Variants in MAP10 observed in about 807,000 individuals in gnomAD.
MAP10 encodes the protein microtubule associated protein 10.
In MAP10, 10 loss-of-function variants were observed where a neutral mutation model predicts 6.3. That is an observed-to-expected ratio of 1.58 (90% confidence interval 0.98 to 2.69). MAP10 has a LOEUF of 2.69. Ranked by LOEUF, MAP10 falls within the 30% of genes most tolerant of loss-of-function variation. The pLI, the probability that MAP10 is intolerant of heterozygous loss-of-function variation, is 0.00. For missense variants in MAP10, 1,189 were observed against 1,086.5 expected (o/e 1.09, Z -1.33); for synonymous variants, 459 against 429.3 (o/e 1.07, Z -0.86).
In MAP10 at chr1:232,805,983, C is replaced by T. The variant is rs1196780554; in HGVS notation, c.534C>T (p.Ala178=). The T allele has an allele frequency of 6.2e-7, 1 of 1,613,642 alleles. No individual in the cohort carries two copies. The highest frequency in any genetic ancestry group is 1.7e-5 in the Admixed American group (1 of 59,998). The change falls in exon 1 of 1, where the codon GCC becomes GCT. Residue 178 remains alanine, a synonymous_variant. Transcript: ENST00000418460. ...AGCGGACTGGGGACATTGCACTGGC[C>T]TACCGCCTGACTGACCTGGGAAGCC... ...VGERTGDIAL[A]YRLTDLGSRL...
In MAP10 at chr1:232,805,683, C is replaced by T; in HGVS notation, c.234C>T (p.Pro78=). The T allele has an allele frequency of 6.2e-6, 10 of 1,602,714 alleles. No individual in the cohort carries two copies. The highest frequency in any genetic ancestry group is 8.5e-6 in the Non-Finnish European group (10 of 1,178,404). The stretch of plus-strand genomic sequence containing the variant: ...ACCCTCCTGACGGCCCCGGCGCTCC[C>T]GCCGCCGAACCGTGGCCCGGTGTCA... ...LVYPPDGPGA[P]AAEPWPGVIR... The change falls in exon 1 of 1, where the codon CCC becomes CCT. Residue 78 remains proline, a synonymous_variant. Coordinates refer to ENST00000418460, the MANE Select transcript of MAP10 (RefSeq NM_019090.3).
chr1:232,806,077 C>T, the MAP10 span: 9 of 1,613,986 alleles, frequency 5.6e-6, no homozygotes, highest in Non-Finnish European at 7.6e-6. Flanking sequence ...GGTCAGTCCC[C>T]AAACCCAGCA....
chr1:232,806,799 T>A lies in MAP10; in HGVS notation c.1350T>A (p.Asp450Glu), dbSNP rs371716712. ...CATGCCGGTCTGAAGCCAAGAAGGATAAGCGTTCTGTGGGGGGATGTGAAA... is the reference window on the plus strand; with the variant it reads ...CATGCCGGTCTGAAGCCAAGAAGGAAAAGCGTTCTGTGGGGGGATGTGAAA... The part of the protein sequence containing the change: ...KSTCRSEAKK[D>E]KRSVGGCEKS... Residue 450 changes from aspartate (D) to glutamate (E), a missense_variant, in exon 1 of 1, where the codon GAT becomes GAA. Transcript: ENST00000418460. The A allele has an allele frequency of 1.8e-5, 29 of 1,613,634 alleles. 1 individual carries two copies. Among genetic ancestry groups the A allele is most frequent in the Middle Eastern group, 1.7e-4 (1 of 6,058 alleles).
chr1:232,807,180 A>T lies in MAP10; in HGVS notation c.1731A>T (p.Arg577Ser), dbSNP rs377345427. ...TCACTGAAAATAGTGATACCTCAAG[A>T]CAAATCAGTGGAGTTTTTGATGAGC... ...ASFTENSDTS[R>S]QISGVFDEPS... Residue 577 changes from arginine (R) to serine (S), a missense_variant, in exon 1 of 1, where the codon AGA (arginine) becomes AGT (serine). Arg to Ser is a moderately radical substitution (Grantham distance 110). Coordinates refer to ENST00000418460, the MANE Select transcript of MAP10 (RefSeq NM_019090.3). 277 of 1,613,462 alleles carry T rather than the reference A, an allele frequency of 1.7e-4. No homozygotes were observed. In the African/African-American group the frequency reaches 3.3e-3, roughly 19 times the overall value.
chr1:232,806,003 G>A lies in MAP10; in HGVS notation c.554G>A (p.Gly185Glu). 6.2e-7 allele frequency: 1 copy of A among 1,613,810 alleles called. No homozygotes were observed. Among genetic ancestry groups the A allele is most frequent in the Non-Finnish European group, 8.5e-7 (1 of 1,179,856 alleles). Residue 185 changes from glycine (G) to glutamate (E), a missense_variant, in exon 1 of 1, where the codon GGA becomes GAA. By Grantham distance (98) the Gly-to-Glu change is moderately conservative (BLOSUM62 -2). Transcript: ENST00000418460. The stretch of plus-strand genomic sequence containing the variant: ...CTGGCCTACCGCCTGACTGACCTGG[G>A]AAGCCGCCTGCTGAGCCAACTTGAG... ...IALAYRLTDL[G>E]SRLLSQLERP...
At position 232,807,346 on chromosome 1, in the gene MAP10, A is replaced by G. The variant is rs1295611718; in HGVS notation, c.1897A>G (p.Thr633Ala). The G allele has an allele frequency of 2.5e-6, 4 of 1,613,822 alleles. No homozygotes were observed. Among genetic ancestry groups the G allele is most frequent in the East Asian group, 4.5e-5 (2 of 44,886 alleles). Residue 633 changes from threonine to alanine, a missense_variant, in exon 1 of 1, where the codon ACA (threonine) becomes GCA (alanine). Coordinates refer to ENST00000418460, the MANE Select transcript of MAP10 (RefSeq NM_019090.3). ...CATTATTCCAGAAAGGCTTACCCCT[A>G]CAAATATTCTGGGAGGAAATGTGGA... is the stretch of plus-strand genomic sequence containing the variant. ...NSIIPERLTPTNILGGNVEMK... is the reference protein window; with the variant it reads ...NSIIPERLTPANILGGNVEMK...
rs1295903363 is a variant in MAP10, at chr1:232,809,689, AAAT to A, written c.*1528_*1530del. ...CATTTTGAATATTTTAAATTATTGAAAATAATAAGCAGAGAAATTATATCAGTT... is the reference window on the plus strand; with the variant it reads ...CATTTTGAATATTTTAAATTATTGAAAATAAGCAGAGAAATTATATCAGTT... On this transcript the variant is annotated 3_prime_UTR_variant, in exon 1 of 1. Coordinates refer to ENST00000418460, the MANE Select transcript of MAP10 (RefSeq NM_019090.3). Among the ~76,000 whole-genome samples the A allele has an allele frequency of 4.6e-5, 7 of 152,188 alleles. No individual in the cohort carries two copies. The highest frequency in any genetic ancestry group is 2.6e-4 in the Admixed American group (4 of 15,270).
rs777722525 is a variant in MAP10, at chr1:232,806,356, C to T, written c.907C>T (p.Pro303Ser). 2 of 1,613,808 alleles carry T rather than the reference C, an allele frequency of 1.2e-6. No homozygotes were observed. Among genetic ancestry groups the T allele is most frequent in the East Asian group, 4.5e-5 (2 of 44,890 alleles). The change falls in exon 1 of 1, where the codon CCT (proline) becomes TCT (serine). Residue 303 changes from proline to serine, a missense_variant. Physicochemically the swap from Pro to Ser is moderately conservative, Grantham distance 74. Transcript: ENST00000418460. ...GGAGACCAATATATTTTGCCCTCCTCCTTTGTATTACACTAACTTGACCCA... is the reference window on the plus strand; with the variant it reads ...GGAGACCAATATATTTTGCCCTCCTTCTTTGTATTACACTAACTTGACCCA... The part of the protein sequence containing the change: ...DMETNIFCPP[P>S]LYYTNLTQEK...
rs1666134150 is a variant in MAP10 at position 232,807,740 on chromosome 1, C to T, written c.2291C>T (p.Pro764Leu). The change falls in exon 1 of 1, where the codon CCA becomes CTA. Residue 764 changes from proline (P) to leucine (L), a missense_variant. Pro to Leu is a moderately conservative substitution (Grantham distance 98). Transcript: ENST00000418460. ...NSSDRSSILSPPFSAGSPVHS... is the reference protein window; with the variant it reads ...NSSDRSSILSLPFSAGSPVHS... ...AGTGACAGGAGTTCTATCCTTAGCC[C>T]ACCTTTTTCAGCCGGGTCACCTGTA... 3.7e-6 allele frequency: 6 copies of T among 1,613,634 alleles called. No individual in the cohort carries two copies. The highest frequency in any genetic ancestry group is 1.3e-5 in the African/African-American group (1 of 74,970).
chr1:232,808,353 AAC>A lies in MAP10; in HGVS notation c.*188_*189del, dbSNP rs1666143755. 4.3e-6 allele frequency: 2 copies of A among 463,474 alleles called. No individual in the cohort carries two copies. Among genetic ancestry groups the A allele is most frequent in the Non-Finnish European group, 7.8e-6 (2 of 256,526 alleles). 28.7% of individuals were successfully genotyped at this position (463,474 alleles called of 1,614,324 possible). A position where few individuals can be genotyped will look rare whatever the true frequency, so the allele number is the denominator to read the frequency against. The stretch of plus-strand genomic sequence containing the variant: ...ATAATATTGATTATTAAATCATATA[AAC>A]AGATTTCTTTTTAAATTGTTTAATC... On this transcript the variant is annotated 3_prime_UTR_variant, in exon 1 of 1. Transcript: ENST00000418460.
rs751119268 is a variant in MAP10, at chr1:232,805,471, C to T, written c.22C>T (p.Arg8Trp). 5.6e-6 allele frequency: 9 copies of T among 1,596,414 alleles called. No homozygotes were observed. The highest frequency in any genetic ancestry group is 2.3e-5 in the East Asian group (1 of 44,168). The change falls in exon 1 of 1, where the codon CGG (arginine) becomes TGG (tryptophan). Residue 8 changes from arginine (R) to tryptophan (W), a missense_variant. By Grantham distance (101) the Arg-to-Trp change is moderately radical. Transcript: ENST00000418460. MAASLSE[R>W]LFSLELLVDW... Reference sequence around the variant, plus strand: ...AGCAATGGCGGCCTCGCTGTCCGAGCGGCTCTTCTCGCTGGAGCTGCTGGT... The same window carrying T: ...AGCAATGGCGGCCTCGCTGTCCGAGTGGCTCTTCTCGCTGGAGCTGCTGGT...
chr1:232,806,518 T>C lies in MAP10; in HGVS notation c.1069T>C (p.Ser357Pro). The C allele has an allele frequency of 6.2e-7, 1 of 1,613,910 alleles. No individual in the cohort carries two copies. Among genetic ancestry groups the C allele is most frequent in the South Asian group, 1.1e-5 (1 of 91,072 alleles). Residue 357 changes from serine to proline, a missense_variant, in exon 1 of 1, where the codon TCT becomes CCT. Transcript: ENST00000418460. ...CAGGAGTTGTCTAAAGCATCCAAGT[T>C]CTGCAGCACACGAACATCCTCCAAT... ...AHRSCLKHPS[S>P]AAHEHPPMLV...
Position 232,806,436 on chromosome 1 carries a change from A to T in MAP10, c.987A>T (p.Ala329=). Residue 329 remains alanine (A), a synonymous_variant, in exon 1 of 1, where the codon GCA becomes GCT. Coordinates refer to ENST00000418460, the MANE Select transcript of MAP10 (RefSeq NM_019090.3). The part of the protein sequence containing the change: ...AKITIEPQMN[A]PEEMDDASPE... ...TCACCATTGAGCCTCAAATGAATGC[A>T]CCTGAGGAAATGGATGATGCTTCTC... 1 of 1,613,902 alleles carries T rather than the reference A, an allele frequency of 6.2e-7. No individual in the cohort carries two copies. Among genetic ancestry groups the T allele is most frequent in the Non-Finnish European group, 8.5e-7 (1 of 1,179,898 alleles).
chr1:232,805,548 G>A lies in MAP10; in HGVS notation c.99G>A (p.Val33=). ...ARLLPSPAAA[V]EQEEEEEEKE... Reference sequence around the variant, plus strand: ...TGCTGCCGTCCCCCGCTGCCGCAGTGGAGCAGGAGGAGGAAGAGGAGGAAA... The same window carrying A: ...TGCTGCCGTCCCCCGCTGCCGCAGTAGAGCAGGAGGAGGAAGAGGAGGAAA... The change falls in exon 1 of 1, where the codon GTG becomes GTA. Residue 33 remains valine (V), a synonymous_variant. Transcript: ENST00000418460. The A allele has an allele frequency of 6.4e-7, 1 of 1,559,716 alleles. No homozygotes were observed. The highest frequency in any genetic ancestry group is 1.2e-5 in the South Asian group (1 of 85,338).
chr1:232,807,938 C>G lies in MAP10; in HGVS notation c.2489C>G (p.Ser830Cys), dbSNP rs943294928. Residue 830 changes from serine to cysteine, a missense_variant, in exon 1 of 1, where the codon TCT becomes TGT. Coordinates refer to ENST00000418460, the MANE Select transcript of MAP10 (RefSeq NM_019090.3). Reference protein sequence around the residue: ...SEITKRAQDISVKTRSSWKSL... With the variant: ...SEITKRAQDICVKTRSSWKSL... Reference sequence around the variant, plus strand: ...ATTACAAAGAGAGCTCAAGACATCTCTGTTAAAACAAGAAGTAGTTGGAAA... The same window carrying G: ...ATTACAAAGAGAGCTCAAGACATCTGTGTTAAAACAAGAAGTAGTTGGAAA... 2.5e-6 allele frequency: 4 copies of G among 1,613,054 alleles called. No individual in the cohort carries two copies. In the African/African-American group the frequency reaches 5.3e-5, roughly 22 times the overall value.
chr1:232,808,123 A>G lies in MAP10; in HGVS notation c.2674A>G (p.Ile892Val). 6.3e-7 allele frequency: 1 copy of G among 1,583,280 alleles called. No homozygotes were observed. The highest frequency in any genetic ancestry group is 1.3e-5 in the African/African-American group (1 of 74,274). ...AAATATTTCCAAGCAATGCAAAGAT[A>G]TTTGTGAATTAGTAATAAATAAACT... ...SLNISKQCKD[I>V]CELVINKLPG... The change falls in exon 1 of 1, where the codon ATT (isoleucine) becomes GTT (valine). Residue 892 changes from isoleucine (I) to valine (V), a missense_variant. By Grantham distance (29) the Ile-to-Val change is conservative. Coordinates refer to ENST00000418460, the MANE Select transcript of MAP10 (RefSeq NM_019090.3).
rs967570407 is a variant in MAP10, at chr1:232,807,330, A to G, written c.1881A>G (p.Pro627=). 4.3e-6 allele frequency: 7 copies of G among 1,613,842 alleles called. No individual in the cohort carries two copies. In the African/African-American group the frequency reaches 6.7e-5, roughly 15 times the overall value. ...TGAGTCCTGCAAATTCCATTATTCC[A>G]GAAAGGCTTACCCCTACAAATATTC... The part of the protein sequence containing the change: ...EVVSPANSII[P]ERLTPTNILG... Residue 627 remains proline (P), a synonymous_variant, in exon 1 of 1, where the codon CCA becomes CCG. Transcript: ENST00000418460.
rs1251375256 is a variant in MAP10 at position 232,808,724 on chromosome 1, C to T, written c.*557C>T. Among the ~76,000 whole-genome samples the T allele has an allele frequency of 6.6e-6, 1 of 152,078 alleles. No homozygotes were observed. Among genetic ancestry groups the T allele is most frequent in the Non-Finnish European group, 1.5e-5 (1 of 67,972 alleles). On this transcript the variant is annotated 3_prime_UTR_variant, in exon 1 of 1. Coordinates refer to ENST00000418460, the MANE Select transcript of MAP10 (RefSeq NM_019090.3). ...GTGCCCTGCACCTTTTGTTTATAAG[C>T]CACAATTTGTGTGATTACTTGATTA... is the stretch of plus-strand genomic sequence containing the variant.
chr1:232,807,732 C>A lies in MAP10; in HGVS notation c.2283C>A (p.Ile761=), dbSNP rs763155757. 3 of 1,613,562 alleles carry A rather than the reference C, an allele frequency of 1.9e-6. No homozygotes were observed. The highest frequency in any genetic ancestry group is 2.2e-5 in the East Asian group (1 of 44,862). Residue 761 remains isoleucine, a synonymous_variant, in exon 1 of 1, where the codon ATC becomes ATA. Coordinates refer to ENST00000418460, the MANE Select transcript of MAP10 (RefSeq NM_019090.3). ...AAAATAGTAGTGACAGGAGTTCTAT[C>A]CTTAGCCCACCTTTTTCAGCCGGGT... ...KKKNSSDRSS[I]LSPPFSAGSP... is the part of the protein sequence containing the mutation.
Sources: gnomAD v4.1 joint callset for allele counts (sites outside exome capture counted in the v4.1 genomes callset) on GRCh38, gnomAD v4.1.1 for gene constraint, MANE v1.5 for transcripts, NCBI Gene and HGNC (gene_info 2026-07-23, HGNC 2026-07-21) for gene names.